Variants in WWOX observed in about 807,000 individuals in gnomAD.
WWOX encodes WW domain-containing oxidoreductase.
A neutral mutation model predicts 46.2 loss-of-function variants in WWOX; 69 were observed. That is an observed-to-expected ratio of 1.49 (90% CI 1.23 to 1.82). The LOEUF is 1.82. Among genes scored for constraint, WWOX ranks in the 40% most tolerant of loss-of-function variants. WWOX has a pLI of 0.00. For synonymous variants in WWOX, 359 were observed against 202.6 expected (o/e 1.77, Z -6.56); for missense variants, 919 against 542.6 (o/e 1.69, Z -6.89).
chr16:78,832,115 G>C (rs62036185), intron 8 of WWOX, among the ~76,000 whole-genome samples: 32,338 of 152,092 alleles, frequency 0.21, 3,789 homozygotes, highest in Non-Finnish European at 0.26. Context: ...GGTGATTCTA[G>C]CTCAGGGTCT....
At chr16:78,119,357 C>T (rs1482503576) in intron 4 of WWOX, among the ~76,000 whole-genome samples, 1 of 152,134 alleles carries the variant, frequency 6.6e-6, no homozygotes, top group Non-Finnish European at 1.5e-5. Flanking sequence ...TAGACACAGC[C>T]TATCAGTCAG....
At chr16:78,164,966 G>T (rs1354784755) in intron 5 of WWOX, among the ~76,000 whole-genome samples, 1 of 152,178 alleles carries the variant, frequency 6.6e-6, no homozygotes, top group Non-Finnish European at 1.5e-5. Flanking sequence ...ATGAAGTAGG[G>T]GTAAGCCATG....
At chr16:78,469,501 G>A (rs567788016) in intron 8 of WWOX, among the ~76,000 whole-genome samples, 19 of 152,126 alleles carry the variant, frequency 1.2e-4, no homozygotes, top group Admixed American at 2.0e-4. Context: ...ATGGTGTTAC[G>A]AATTACCCAT....
chr16:78,960,422 C>G (rs186496813), intron 8 of WWOX, among the ~76,000 whole-genome samples: 13 of 152,294 alleles, frequency 8.5e-5, no homozygotes, highest in African/African-American at 2.4e-4. Context: ...CTCTACCATC[C>G]TCAATACTTC....
intron 8 of WWOX, among the ~76,000 whole-genome samples, chr16:79,014,400 C>T (rs1305701302): frequency 1.3e-5 from 2 of 152,148 alleles, no homozygotes; most frequent in East Asian, 1.9e-4. Context: ...ACTGTGGAAC[C>T]TTTAAATTTT....
At chr16:78,739,224 A>C (rs948093302) in intron 8 of WWOX, among the ~76,000 whole-genome samples, 3 of 152,126 alleles carry the variant, frequency 2.0e-5, no homozygotes, top group Admixed American at 6.5e-5. Context: ...TTGCCGAATG[A>C]AAGTGTGATC....
chr16:79,167,681 C>G (rs913076809), intron 8 of WWOX, among the ~76,000 whole-genome samples: 6 of 152,232 alleles, frequency 3.9e-5, no homozygotes, highest in Admixed American at 1.3e-4. Flanking sequence ...ATTCAGGCCA[C>G]AATGACTTCA....
intron 8 of WWOX, among the ~76,000 whole-genome samples, chr16:78,459,783 T>C (rs546503267): frequency 1.3e-5 from 2 of 152,232 alleles, no homozygotes; most frequent in African/African-American, 2.4e-5. Flanking sequence ...AACTGAAAAA[T>C]TGTTAGACTA....
chr16:78,728,457 G>C (rs1482061806), intron 8 of WWOX, among the ~76,000 whole-genome samples: 1 of 152,172 alleles, frequency 6.6e-6, no homozygotes, highest in Non-Finnish European at 1.5e-5. Flanking sequence ...CCAGTGCTTG[G>C]TTCCCTAGAA....
In WWOX at chr16:78,372,189, C is replaced by T. The variant is rs200534843; in HGVS notation, c.517-14671C>T. ...GTTCTCACATCTGGACAACAAGTACCTTTTGCTCCCTTATTCTCACACAGA... is the reference window on the plus strand; with the variant it reads ...GTTCTCACATCTGGACAACAAGTACTTTTTGCTCCCTTATTCTCACACAGA... On this transcript the variant is annotated intron_variant, in intron 5 of 8. Coordinates refer to ENST00000566780, the MANE Select transcript of WWOX (RefSeq NM_016373.4). Among the ~76,000 whole-genome samples, 8 of 152,294 alleles carry T rather than the reference C, an allele frequency of 5.3e-5. No individual in the cohort carries two copies. In the East Asian group the frequency reaches 1.3e-3, roughly 26 times the overall value.
chr16:78,168,298 C>G (rs372010641), intron 5 of WWOX: 8 of 152,340 alleles, frequency 5.3e-5, no homozygotes, highest in Admixed American at 1.3e-4. Context: ...ACATTCATGT[C>G]TGCCTTTTAG....
intron 8 of WWOX, among the ~76,000 whole-genome samples, chr16:79,119,955 G>T (rs559031782): frequency 6.6e-6 from 1 of 152,290 alleles, no homozygotes; most frequent in East Asian, 1.9e-4. Context: ...AGGGGCCGTG[G>T]AATGGACAAG....
intron 8 of WWOX, among the ~76,000 whole-genome samples, chr16:78,795,202 T>G (rs1194756408): frequency 6.6e-6 from 1 of 152,208 alleles, no homozygotes; most frequent in African/African-American, 2.4e-5. Context: ...CTAAGTGCTT[T>G]GCGGGCATTA....
At chr16:78,841,716 A>C (rs1034197034) in intron 8 of WWOX, among the ~76,000 whole-genome samples, 1 of 152,102 alleles carries the variant, frequency 6.6e-6, no homozygotes, top group Non-Finnish European at 1.5e-5. Flanking sequence ...CTTCTGATAC[A>C]CTCCTGTCCG....
At chr16:78,366,507 T>A (rs932370841) in intron 5 of WWOX, among the ~76,000 whole-genome samples, 3 of 152,224 alleles carry the variant, frequency 2.0e-5, no homozygotes, top group Non-Finnish European at 4.4e-5. Context: ...ATTATAAGAC[T>A]GTTAGACTTC....
chr16:78,431,574 C>G (rs891283382), intron 7 of WWOX, among the ~76,000 whole-genome samples: 15 of 151,964 alleles, frequency 9.9e-5, no homozygotes, highest in African/African-American at 3.6e-4. Flanking sequence ...TATCTTTGAA[C>G]TTCCTGTTGA....
chr16:78,930,270 T>TTCCTTCCTTC (rs2045593627), intron 8 of WWOX, among the ~76,000 whole-genome samples: 1 of 54,692 alleles, frequency 1.8e-5, no homozygotes, highest in African/African-American at 7.5e-5. Context: ...TTCCTTCCTT[T>TTCCTTCCTTC]CTCTCTTTCT....
intron 8 of WWOX, among the ~76,000 whole-genome samples, chr16:78,533,899 A>T (rs1674016667): frequency 6.6e-6 from 1 of 152,146 alleles, no homozygotes; most frequent in African/African-American, 2.4e-5. Flanking sequence ...ATGTGTGTCC[A>T]TCTTGTTAAC....
chr16:78,463,461 C>A (rs2080355180), intron 8 of WWOX, among the ~76,000 whole-genome samples: 2 of 152,170 alleles, frequency 1.3e-5, no homozygotes, highest in Non-Finnish European at 2.9e-5. Flanking sequence ...ACAGAAGCAG[C>A]AGCTATCCAG....
Sources: allele counts gnomAD v4.1 joint callset (sites outside exome capture counted in the v4.1 genomes callset), GRCh38; gene constraint gnomAD v4.1.1; transcripts MANE v1.5; gene names NCBI Gene and HGNC (gene_info 2026-07-23, HGNC 2026-07-21).